GSTM5: variants seen among roughly 807,000 people sequenced by gnomAD.
The protein encoded by GSTM5 is glutathione S-transferase mu 5, also known as GST class-mu 5.
In GSTM5, 24 loss-of-function variants were observed where a neutral mutation model predicts 29.0. That is an observed-to-expected ratio of 0.83 (90% CI 0.60 to 1.16). GSTM5 has a LOEUF of 1.16. Ranked by LOEUF, GSTM5 falls within the 50% of genes most tolerant of loss-of-function variation. The probability of loss-of-function intolerance (pLI) is 0.00; values close to 1 mark genes in which losing one functional copy is unlikely to be tolerated. For missense variants in GSTM5, 290 were observed against 263.0 expected (o/e 1.10, Z -0.71); for synonymous variants, 91 against 93.6 (o/e 0.97, Z 0.16).
At chr1:109,713,036 C>G in intron 2 of GSTM5, 83 bp from the exon 3 acceptor site, 1 of 1,523,364 alleles carries the variant, frequency 6.6e-7, no homozygotes, top group Non-Finnish European at 9.1e-7. Flanking sequence ...TCTCAGGGAT[C>G]TTGCCACTGG....
At chr1:109,714,886 G>A (rs1008032605) in intron 5 of GSTM5, 61 bp from the exon 6 acceptor site, 108 of 1,542,264 alleles carry the variant, frequency 7.0e-5, no homozygotes, top group Admixed American at 6.7e-5. Context: ...CAGCCCTGGG[G>A]AGGCCACGTC....
At chr1:109,714,207 C>A (rs755464027) in intron 5 of GSTM5, 1 of 160,738 alleles carries the variant, frequency 6.2e-6, no homozygotes, top group African/African-American at 2.4e-5. Context: ...AGGACACGAT[C>A]CAGGCATCCC....
At chr1:109,711,899 G>C (rs1286527199), upstream of GSTM5, among the ~76,000 whole-genome samples, 1 of 135,704 alleles carries the variant, frequency 7.4e-6, no homozygotes, top group Non-Finnish European at 1.7e-5. Flanking sequence ...CTCGGCAGCG[G>C]AGAGAAGGCT....
intron 7 of GSTM5, chr1:109,717,026 T>C (rs1648767486): frequency 4.6e-6 from 1 of 217,928 alleles, no homozygotes; most frequent in Admixed American, 5.3e-5. Flanking sequence ...ACGGTGATAA[T>C]AGAACTGACC....
At chr1:109,716,806 G>A (rs1373941218) in intron 7 of GSTM5, 2 of 155,338 alleles carry the variant, frequency 1.3e-5, no homozygotes, top group Admixed American at 1.3e-4. Context: ...TCCTAGGCAA[G>A]CCAAGAACCT....
chr1:109,715,930 T>C (rs1648730544), intron 7 of GSTM5: 2 of 812,432 alleles, frequency 2.5e-6, no homozygotes, highest in Non-Finnish European at 3.9e-6. Flanking sequence ...ATGTTCCACG[T>C]CTTCCCCCTG....
chr1:109,715,735 C>T (rs1648723456), intron 7 of GSTM5: 1 of 421,836 alleles, frequency 2.4e-6, no homozygotes, highest in Non-Finnish European at 4.3e-6. Context: ...AGGCAGTATT[C>T]ATAGCCACCC....
chr1:109,715,494 A>T, intron 7 of GSTM5: 1 of 1,479,490 alleles, frequency 6.8e-7, no homozygotes, highest in Non-Finnish European at 9.0e-7. Flanking sequence ...TCCTTTGCTC[A>T]GGGTCCCAGA....
rs1648699512 is a variant in GSTM5 at position 109,715,157 on chromosome 1, G to T, written c.484G>T (p.Asp162Tyr). 1.9e-6 allele frequency: 3 copies of T among 1,614,104 alleles called. No individual in the cohort carries two copies. The highest frequency in any genetic ancestry group is 2.5e-6 in the Non-Finnish European group (3 of 1,180,048). ...KITFVDFLAYDVLDMKRIFEP... is the reference protein window; with the variant it reads ...KITFVDFLAYYVLDMKRIFEP... ...CACCTTTGTGGATTTCCTTGCCTAT[G>T]ATGTCCTTGACATGAAGCGTATATT... The change falls in exon 7 of 8, where the codon GAT becomes TAT. Residue 162 changes from aspartate to tyrosine, a missense_variant. Physicochemically the swap from Asp to Tyr is radical, Grantham distance 160. Coordinates refer to ENST00000256593, the MANE Select transcript of GSTM5 (RefSeq NM_000851.4).
Position 109,713,138 on chromosome 1 carries a change from C to G in GSTM5, c.132C>G (p.Ser44Arg), listed in dbSNP as rs748199010. Residue 44 changes from serine to arginine, a missense_variant, in exon 3 of 8, where the codon AGC becomes AGG. Transcript: ENST00000256593. ...TLGDAPDYDR[S>R]QWLNEKFKLG... ...CCACAGCTCCTGACTATGACAGAAG[C>G]CAGTGGCTGAATGAAAAATTCAAGC... is the stretch of plus-strand genomic sequence containing the variant. 6.2e-7 allele frequency: 1 copy of G among 1,612,572 alleles called. No homozygotes were observed. The highest frequency in any genetic ancestry group is 8.5e-7 in the Non-Finnish European group (1 of 1,179,866).
rs573987296 is a variant in GSTM5, at chr1:109,715,822, A to G, written c.567+582A>G. 1.8e-5 allele frequency: 8 copies of G among 448,282 alleles called. 1 individual carries two copies. Among genetic ancestry groups the G allele is most frequent in the South Asian group, 1.1e-4 (6 of 55,766 alleles). The allele number at this position is 448,282 out of a possible 1,614,324, so 27.8% of individuals were successfully genotyped here. On this transcript the variant is annotated intron_variant, in intron 7 of 7. Coordinates refer to ENST00000256593, the MANE Select transcript of GSTM5 (RefSeq NM_000851.4). Reference sequence around the variant, plus strand: ...GCTGTGGCTGGAGCTGGATTAGGGTACATATGTGGGTGCCCCTGTTGAAGC... The same window carrying G: ...GCTGTGGCTGGAGCTGGATTAGGGTGCATATGTGGGTGCCCCTGTTGAAGC...
Position 109,712,919 on chromosome 1 carries a change from T to C in GSTM5, c.113-200T>C, listed in dbSNP as rs887086428. 6 of 858,208 alleles carry C rather than the reference T, an allele frequency of 7.0e-6. No individual in the cohort carries two copies. In the African/African-American group the frequency reaches 1.0e-4, roughly 14 times the overall value. The allele number at this position is 858,208 out of a possible 1,614,324, so 53.2% of individuals were successfully genotyped here. On this transcript the variant is annotated intron_variant, in intron 2 of 7. Coordinates refer to ENST00000256593, the MANE Select transcript of GSTM5 (RefSeq NM_000851.4). The stretch of plus-strand genomic sequence containing the variant: ...GGTTGGGTGTCCCTCAGAGCTTCCC[T>C]AAACCCTGGAAGCCTTAGCCGTTGT...
chr1:109,712,344 G>T lies in GSTM5; in HGVS notation c.32G>T (p.Arg11Leu), dbSNP rs754218643. 2.5e-6 allele frequency: 4 copies of T among 1,614,098 alleles called. No homozygotes were observed. In the Admixed American group the frequency reaches 6.7e-5, roughly 27 times the overall value. The stretch of plus-strand genomic sequence containing the variant: ...ATGACTCTGGGGTACTGGGACATCC[G>T]TGGGGTAAGCGAGGGTCCTCTGGTG... MPMTLGYWDI[R>L]GLAHAIRLLL... The change falls in exon 1 of 8, where the codon CGT becomes CTT. Residue 11 changes from arginine (R) to leucine (L), a missense_variant. Arg to Leu is a moderately radical substitution (Grantham distance 102). Transcript: ENST00000256593.
chr1:109,712,271 C>T lies in GSTM5; in HGVS notation c.-42C>T, dbSNP rs777293297. On this transcript the variant is annotated 5_prime_UTR_variant, in exon 1 of 8. Transcript: ENST00000256593. ...TGGGCCTCTCAAAGTCTGAGCCCCG[C>T]TCCGCTGATGCCTGTCTGCAGAATC... The T allele has an allele frequency of 1.1e-5, 18 of 1,612,168 alleles. No homozygotes were observed. Among genetic ancestry groups the T allele is most frequent in the Middle Eastern group, 1.6e-4 (1 of 6,076 alleles).
upstream of GSTM5, among the ~76,000 whole-genome samples, chr1:109,712,064 G>A (rs1342101585): frequency 2.0e-5 from 3 of 152,208 alleles, no homozygotes; most frequent in South Asian, 6.2e-4. Context: ...TGGCGAGGCC[G>A]AGCCCCGCTT....
rs756227186 is a variant in GSTM5, at chr1:109,717,411, A to T, written c.642A>T (p.Thr214=). 6.2e-7 allele frequency: 1 copy of T among 1,613,474 alleles called. No individual in the cohort carries two copies. The highest frequency in any genetic ancestry group is 8.5e-7 in the Non-Finnish European group (1 of 1,179,434). The change falls in exon 8 of 8, where the codon ACA becomes ACT. Residue 214 remains threonine, a synonymous_variant. Coordinates refer to ENST00000256593, the MANE Select transcript of GSTM5 (RefSeq NM_000851.4). ...LRGLLFGKSA[T]WNSK ...GTCTTTTGTTTGGAAAGTCAGCTAC[A>T]TGGAACAGCAAATAGGGCCCAGTGA...
Position 109,712,335 on chromosome 1 carries a change from G to C in GSTM5, c.23G>C (p.Trp8Ser), listed in dbSNP as rs1267771745. The change falls in exon 1 of 8, where the codon TGG (tryptophan) becomes TCG (serine). Residue 8 changes from tryptophan (W) to serine (S), a missense_variant. Transcript: ENST00000256593. ...ACCATGCCCATGACTCTGGGGTACT[G>C]GGACATCCGTGGGGTAAGCGAGGGT... MPMTLGY[W>S]DIRGLAHAIR... 2 of 1,614,032 alleles carry C rather than the reference G, an allele frequency of 1.2e-6. No individual in the cohort carries two copies. The highest frequency in any genetic ancestry group is 2.7e-5 in the African/African-American group (2 of 74,936).
rs765636678 is a variant in GSTM5, at chr1:109,714,956, A to G, written c.370A>G (p.Lys124Glu). The change falls in exon 6 of 8, where the codon AAG becomes GAG. Residue 124 changes from lysine (K) to glutamate (E), a missense_variant. By Grantham distance (56) the Lys-to-Glu change is moderately conservative. Transcript: ENST00000256593. ...LCYDPDFEKL[K>E]PKYLEELPEK... ...CTGTTTTCTGCCTCAGGAGAAACTG[A>G]AGCCAAAATACTTGGAGGAACTCCC... 3.1e-6 allele frequency: 5 copies of G among 1,614,256 alleles called. No individual in the cohort carries two copies. The highest frequency in any genetic ancestry group is 3.3e-5 in the Admixed American group (2 of 60,028).
In GSTM5 at chr1:109,717,317, C is replaced by T; in HGVS notation, c.568-20C>T. ...TTCTAGACAGCAGACCTGGCTCTGGCCCCTTCTTCCCGCCCTCAGGGTTTG... is the reference window on the plus strand; with the variant it reads ...TTCTAGACAGCAGACCTGGCTCTGGTCCCTTCTTCCCGCCCTCAGGGTTTG... On this transcript the variant is annotated intron_variant, in intron 7 of 7. Coordinates refer to ENST00000256593, the MANE Select transcript of GSTM5 (RefSeq NM_000851.4). 6.3e-7 allele frequency: 1 copy of T among 1,594,658 alleles called. No individual in the cohort carries two copies. The highest frequency in any genetic ancestry group is 8.6e-7 in the Non-Finnish European group (1 of 1,162,418).
Sources: gnomAD v4.1 joint callset for allele counts (sites outside exome capture counted in the v4.1 genomes callset) on GRCh38, gnomAD v4.1.1 for gene constraint, MANE v1.5 for transcripts, NCBI Gene and HGNC (gene_info 2026-07-23, HGNC 2026-07-21) for gene names.